KATNAL2: variants seen among roughly 807,000 people sequenced by gnomAD.
KATNAL2 encodes katanin p60 ATPase-containing subunit A-like 2.
A neutral mutation model predicts 76.3 loss-of-function variants in KATNAL2; 52 were observed. The ratio of observed to expected loss-of-function variants is 0.68; its 90% CI spans 0.55 to 0.86. KATNAL2 has a LOEUF of 0.86. Ranked by LOEUF, KATNAL2 falls within the 40% of genes least tolerant of loss-of-function variation. The pLI is 0.00. For missense variants in KATNAL2, 660 were observed against 668.9 expected (o/e 0.99, Z 0.15); for synonymous variants, 243 against 244.2 (o/e 1.00, Z 0.05).
chr18:47,099,346 G>C lies in KATNAL2; in HGVS notation c.1315G>C (p.Val439Leu). 6.2e-7 allele frequency: 1 copy of C among 1,614,140 alleles called. No homozygotes were observed. The highest frequency in any genetic ancestry group is 8.5e-7 in the Non-Finnish European group (1 of 1,179,978). The change falls in exon 16 of 18, where the codon GTG becomes CTG. Residue 439 changes from valine to leucine, a missense_variant. By Grantham distance (32) the Val-to-Leu change is conservative (BLOSUM62 1). Coordinates refer to ENST00000683218, the MANE Select transcript of KATNAL2 (RefSeq NM_001387690.1). ...QAMIYHWLPP[V>L]SKSRALELHT... ...CATGATCTACCACTGGCTGCCTCCT[G>C]TGAGCAAGAGCAGGGCCTTGGAGCT...
intron 1 of KATNAL2, among the ~76,000 whole-genome samples, chr18:46,941,040 A>G (rs530473223): frequency 3.6e-4 from 55 of 152,238 alleles, no homozygotes; most frequent in Non-Finnish European, 2.8e-4. Context: ...CAAACAAACA[A>G]AAAAACTTAT....
chr18:47,050,736 G>A (rs1449904753), intron 4 of KATNAL2, among the ~76,000 whole-genome samples: 2 of 152,192 alleles, frequency 1.3e-5, no homozygotes, highest in Admixed American at 6.5e-5. Context: ...CTGCCTTAAC[G>A]AAGTTCTACA....
intron 3 of KATNAL2, among the ~76,000 whole-genome samples, chr18:47,031,409 GTCTC>G (rs2060428250): frequency 2.6e-5 from 4 of 151,702 alleles, no homozygotes; most frequent in South Asian, 4.2e-4. Context: ...CTTTTTTTGT[GTCTC>G]TCTGTCTTTC....
At chr18:46,920,037 G>T in intron 1 of KATNAL2, 1 of 1,287,188 alleles carries the variant, frequency 7.8e-7, no homozygotes, top group Non-Finnish European at 1.0e-6. Context: ...GAAAAGAAAA[G>T]CAAAGCCCCA....
intron 3 of KATNAL2, among the ~76,000 whole-genome samples, chr18:46,957,079 C>T (rs1203236073): frequency 1.3e-5 from 2 of 150,840 alleles, no homozygotes; most frequent in Non-Finnish European, 3.0e-5. Flanking sequence ...ATATTCTGAT[C>T]CAGAAGTTTT....
At chr18:47,100,742 G>T (rs1388054149) in intron 17 of KATNAL2, 124 bp from the exon 18 acceptor site, 1 of 1,205,548 alleles carries the variant, frequency 8.3e-7, no homozygotes, top group Non-Finnish European at 1.2e-6. Context: ...CTTGCCTTTT[G>T]CTGCATTAAC....
rs141136969 is a variant in KATNAL2 at position 46,962,027 on chromosome 18, G to C, written c.51+15104G>C. Among the ~76,000 whole-genome samples the C allele has an allele frequency of 6.2e-3, 950 of 152,306 alleles. 6 individuals are homozygous for C. The highest frequency in any genetic ancestry group is 0.021 in the African/African-American group (892 of 41,554). ...TTTCCTTTCTAAGTCTACTGGTCTT[G>C]TATGTTAGTCCTTCCAAAAATATAA... On this transcript the variant is annotated intron_variant, in intron 3 of 17. Coordinates refer to ENST00000683218, the MANE Select transcript of KATNAL2 (RefSeq NM_001387690.1).
chr18:47,080,855 C>G (rs1185295363), intron 15 of KATNAL2, among the ~76,000 whole-genome samples: 1 of 152,078 alleles, frequency 6.6e-6, no homozygotes, highest in African/African-American at 2.4e-5. Flanking sequence ...CTTTTCAAAT[C>G]CTTTGTCCAC....
In KATNAL2 at chr18:47,084,217, C is replaced by T. The variant is rs1016063856; in HGVS notation, c.1211+6756C>T. On this transcript the variant is annotated intron_variant, in intron 15 of 17. Transcript: ENST00000683218. ...GCTAACAGGGATGTCTTTCTGTTAT[C>T]TATGTTAACCTACTTCTTCCTACAT... 3.9e-5 allele frequency: 23 copies of T among 592,408 alleles called. No individual in the cohort carries two copies. In the Admixed American group the frequency reaches 6.6e-4, roughly 17 times the overall value. 36.7% of individuals were successfully genotyped at this position (592,408 alleles called of 1,614,324 possible). A position where few individuals can be genotyped will look rare whatever the true frequency, so the allele number is the denominator to read the frequency against.
Position 46,946,914 on chromosome 18 carries a change from G to A in KATNAL2, c.42G>A (p.Ala14=), listed in dbSNP as rs2146666672. ...SYQTLKFTHQ[A]REACEMRTEA... ...AGACCCTGAAATTCACGCATCAGGCGCGGGAAGCGGTAAGGAACGCATATA... is the reference window on the plus strand; with the variant it reads ...AGACCCTGAAATTCACGCATCAGGCACGGGAAGCGGTAAGGAACGCATATA... The change falls in exon 3 of 18, where the codon GCG becomes GCA. Residue 14 remains alanine, a synonymous_variant. Coordinates refer to ENST00000683218, the MANE Select transcript of KATNAL2 (RefSeq NM_001387690.1). 1 of 1,532,044 alleles carries A rather than the reference G, an allele frequency of 6.5e-7. No individual in the cohort carries two copies. The highest frequency in any genetic ancestry group is 8.7e-7 in the Non-Finnish European group (1 of 1,143,162). The allele number at this position is 1,532,044 out of a possible 1,614,324, so 94.9% of individuals were successfully genotyped here. A position where few individuals can be genotyped will look rare whatever the true frequency, so the allele number is the denominator to read the frequency against.
chr18:47,092,541 C>T (rs557230915), intron 15 of KATNAL2, among the ~76,000 whole-genome samples: 18 of 151,608 alleles, frequency 1.2e-4, no homozygotes, highest in African/African-American at 4.1e-4. Flanking sequence ...TTCTTTTCTC[C>T]CCCATCACTT....
intron 14 of KATNAL2, among the ~76,000 whole-genome samples, chr18:47,076,978 G>A (rs932358451): frequency 3.3e-5 from 5 of 151,896 alleles, no homozygotes; most frequent in Non-Finnish European, 5.9e-5. Context: ...TTTCCTGTGT[G>A]CTATGTAAGT....
intron 6 of KATNAL2, among the ~76,000 whole-genome samples, chr18:47,057,832 T>A (rs1267843680): frequency 2.0e-5 from 3 of 152,204 alleles, no homozygotes; most frequent in African/African-American, 7.2e-5. Context: ...TTTCTTAGTT[T>A]GAATGGGAGG....
chr18:47,081,231 C>T (rs941835583), intron 15 of KATNAL2, among the ~76,000 whole-genome samples: 2 of 152,026 alleles, frequency 1.3e-5, no homozygotes, highest in Non-Finnish European at 2.9e-5. Context: ...TTGGACCTTT[C>T]AGAAGACCCT....
intron 3 of KATNAL2, among the ~76,000 whole-genome samples, chr18:46,956,738 G>C (rs1414911902): frequency 6.6e-6 from 1 of 152,112 alleles, no homozygotes; most frequent in Non-Finnish European, 1.5e-5. Context: ...ACACCTGGGA[G>C]GTTTTGAAAA....
intron 3 of KATNAL2, among the ~76,000 whole-genome samples, chr18:47,031,395 G>A (rs1293497554): frequency 2.0e-5 from 3 of 151,822 alleles, no homozygotes; most frequent in East Asian, 1.9e-4. Flanking sequence ...AATTTCTCGT[G>A]TGACTTTTTT....
chr18:47,060,091 G>A (rs914283657), intron 8 of KATNAL2, among the ~76,000 whole-genome samples: 1 of 151,158 alleles, frequency 6.6e-6, no homozygotes, highest in African/African-American at 2.4e-5. Flanking sequence ...CAAACTCCTG[G>A]GCTCAAAGAA....
chr18:47,093,170 A>G (rs758256193), intron 15 of KATNAL2, among the ~76,000 whole-genome samples: 24 of 152,180 alleles, frequency 1.6e-4, no homozygotes, highest in Non-Finnish European at 3.2e-4. Flanking sequence ...TAACTGAGGC[A>G]TAGGTTTAGG....
chr18:47,060,119 C>A (rs954409184), intron 8 of KATNAL2, among the ~76,000 whole-genome samples: 6 of 151,902 alleles, frequency 3.9e-5, no homozygotes, highest in Middle Eastern at 3.2e-3. Flanking sequence ...GCCTCAGCTT[C>A]CCAAGTAGCT....
Sources: allele counts gnomAD v4.1 joint callset (sites outside exome capture counted in the v4.1 genomes callset), GRCh38; gene constraint gnomAD v4.1.1; transcripts MANE v1.5; gene names NCBI Gene and HGNC (gene_info 2026-07-23, HGNC 2026-07-21).